Variants in DGKI observed in about 807,000 individuals in gnomAD.
DGKI encodes the protein diacylglycerol kinase iota.
A neutral mutation model predicts 147.5 loss-of-function variants in DGKI; 55 were observed. The ratio of observed to expected loss-of-function variants is 0.37; its 90% CI spans 0.30 to 0.47. The LOEUF (loss-of-function observed/expected upper bound fraction) is 0.47. Among genes scored for constraint, DGKI ranks in the 20% least tolerant of loss-of-function variants. DGKI has a pLI of 1.00. For missense variants in DGKI, 1,007 were observed against 1,323.8 expected, an observed-to-expected ratio of 0.76 and a Z score of 3.71; for synonymous variants, 469 against 477.1, an observed-to-expected ratio of 0.98 and a Z score of 0.22.
In DGKI at chr7:137,445,422, C is replaced by T. The variant is rs909834818; in HGVS notation, c.2736-1320G>A. Among the ~76,000 whole-genome samples, 8 of 152,172 alleles carry T rather than the reference C, an allele frequency of 5.3e-5. No individual in the cohort carries two copies. In the South Asian group the frequency reaches 6.2e-4, roughly 12 times the overall value. On this transcript the variant is annotated intron_variant, in intron 27 of 32. Transcript: ENST00000614521. ...GGGAGATGGACATGGGGGTGGTGAG[C>T]GGAAACCTGCCACAATCCCTAGTCA...
At position 137,463,683 on chromosome 7, in the gene DGKI, A is replaced by C. The variant is rs555356611; in HGVS notation, c.2613-72T>G. 1.1e-5 allele frequency: 18 copies of C among 1,568,220 alleles called. No homozygotes were observed. The African/African-American group carries it at 2.2e-4, about 19-fold the overall frequency. ...ACGTGACTTCGTTTCCACTTTCTGA[A>C]GATGAATCTTGCCAGTAAATGTGAG... On this transcript the variant is annotated intron_variant, in intron 26 of 32. Coordinates refer to ENST00000614521, the MANE Select transcript of DGKI (RefSeq NM_001321708.2).
chr7:137,620,054 C>CACAT (rs1820691302), intron 7 of DGKI, 114 bp from the exon 8 acceptor site: 1 of 733,900 alleles, frequency 1.4e-6, no homozygotes, highest in Admixed American at 2.0e-5. Context: ...CACACACACA[C>CACAT]TCATTACATG....
Position 137,587,089 on chromosome 7 carries a change from G to C in DGKI, c.1425+8C>G, listed in dbSNP as rs764435511. 6.3e-7 allele frequency: 1 copy of C among 1,587,278 alleles called. No homozygotes were observed. The highest frequency in any genetic ancestry group is 1.9e-5 in the Admixed American group (1 of 53,470). ...ATGATATGGGCAGTCCCCGAGAGCA[G>C]TTCTTACCCCTCCCCAGTTGAGAGT... is the stretch of plus-strand genomic sequence containing the variant. On this transcript the variant is annotated splice_region_variant and intron_variant, in intron 13 of 32. Coordinates refer to ENST00000614521, the MANE Select transcript of DGKI (RefSeq NM_001321708.2).
At chr7:137,449,209 G>A (rs1813850043) in intron 27 of DGKI, among the ~76,000 whole-genome samples, 1 of 152,084 alleles carries the variant, frequency 6.6e-6, no homozygotes, top group South Asian at 2.1e-4. Flanking sequence ...AACAAAGCTG[G>A]AGCCATCACA....
chr7:137,653,610 T>C (rs1822114541), intron 5 of DGKI, among the ~76,000 whole-genome samples: 1 of 152,192 alleles, frequency 6.6e-6, no homozygotes, highest in Non-Finnish European at 1.5e-5. Flanking sequence ...TTAACTTAGT[T>C]AGCTCCTTAA....
chr7:137,544,771 A>G (rs548382380), intron 20 of DGKI, among the ~76,000 whole-genome samples: 49 of 152,150 alleles, frequency 3.2e-4, no homozygotes, highest in Admixed American at 7.9e-4. Flanking sequence ...GGAACACAAG[A>G]TTCATATTAA....
chr7:137,565,118 A>G (rs1412708477), intron 19 of DGKI, among the ~76,000 whole-genome samples: 1 of 152,246 alleles, frequency 6.6e-6, no homozygotes, highest in Non-Finnish European at 1.5e-5. Flanking sequence ...AGAGAGGTTT[A>G]CAAACAATTA....
At chr7:137,660,620 A>G (rs1393372913) in intron 3 of DGKI, among the ~76,000 whole-genome samples, 2 of 152,140 alleles carry the variant, frequency 1.3e-5, no homozygotes, top group African/African-American at 4.8e-5. Flanking sequence ...TAATAAAGAG[A>G]TTAATATTGA....
chr7:137,700,870 C>T (rs1823954612), intron 1 of DGKI, among the ~76,000 whole-genome samples: 1 of 150,790 alleles, frequency 6.6e-6, no homozygotes, highest in Non-Finnish European at 1.5e-5. Flanking sequence ...AAGAGCGAAG[C>T]TCCGTCTCAA....
intron 27 of DGKI, among the ~76,000 whole-genome samples, chr7:137,461,101 A>G (rs1057341392): frequency 3.9e-5 from 6 of 152,208 alleles, no homozygotes; most frequent in African/African-American, 1.4e-4. Context: ...TTTTCACTGT[A>G]CAAATGTAAA....
intron 28 of DGKI, among the ~76,000 whole-genome samples, chr7:137,413,139 C>T (rs1299441758): frequency 6.6e-6 from 1 of 151,924 alleles, no homozygotes; most frequent in African/African-American, 2.4e-5. Context: ...AGTGGTGGCA[C>T]ACCTGTAATC....
chr7:137,486,068 G>T (rs1484772327), intron 22 of DGKI, among the ~76,000 whole-genome samples: 1 of 152,110 alleles, frequency 6.6e-6, no homozygotes, highest in Non-Finnish European at 1.5e-5. Flanking sequence ...CCTTGCTAAT[G>T]AGTGTAGTGA....
At chr7:137,666,954 T>C (rs1436739877) in intron 3 of DGKI, among the ~76,000 whole-genome samples, 1 of 152,200 alleles carries the variant, frequency 6.6e-6, no homozygotes, top group Non-Finnish European at 1.5e-5. Flanking sequence ...CCTGCTTCTC[T>C]TTTCTCTTAT....
At chr7:137,420,018 T>C (rs1442037121) in intron 28 of DGKI, among the ~76,000 whole-genome samples, 1 of 152,270 alleles carries the variant, frequency 6.6e-6, no homozygotes, top group Non-Finnish European at 1.5e-5. Flanking sequence ...GTCTTTGTTA[T>C]ACCTGGCAGC....
rs529095690 is a variant in DGKI at position 137,585,414 on chromosome 7, G to A, written c.1426-68C>T. The A allele has an allele frequency of 1.5e-4, 234 of 1,541,662 alleles. 1 individual carries two copies. The African/African-American group carries it at 2.7e-3, about 18-fold the overall frequency. On this transcript the variant is annotated intron_variant, in intron 13 of 32. Coordinates refer to ENST00000614521, the MANE Select transcript of DGKI (RefSeq NM_001321708.2). ...AACAGTGAAGCCAATGCTATTTTAC[G>A]CAAGGAAGAGCCAAGCCGTTATATT... is the stretch of plus-strand genomic sequence containing the variant.
At chr7:137,571,985 G>A (rs944005141) in intron 18 of DGKI, among the ~76,000 whole-genome samples, 1 of 152,136 alleles carries the variant, frequency 6.6e-6, no homozygotes, top group Non-Finnish European at 1.5e-5. Context: ...AATATTTCTG[G>A]AATAAAATTG....
intron 19 of DGKI, among the ~76,000 whole-genome samples, chr7:137,557,740 G>A (rs1484727261): frequency 6.6e-6 from 1 of 152,088 alleles, no homozygotes; most frequent in Non-Finnish European, 1.5e-5. Context: ...CTCCAACTCA[G>A]ACAGGCAGCC....
chr7:137,811,375 C>CTT (rs1315964308), intron 1 of DGKI, among the ~76,000 whole-genome samples: 2 of 102,258 alleles, frequency 2.0e-5, no homozygotes, highest in African/African-American at 7.1e-5. Flanking sequence ...CTCTCTCTCT[C>CTT]TCTCTCTCTC....
At position 137,846,161 on chromosome 7, in the gene DGKI, T is replaced by TCTCTCACACACA. The variant is rs781580130; in HGVS notation, c.401+300_401+301insTGTGTGTGAGAG. The stretch of plus-strand genomic sequence containing the variant: ...CTCTCTCTCTCTCTCTCTCTCTCTC[T>TCTCTCACACACA]CACACACACACACACACACACACAC... On this transcript the variant is annotated intron_variant, in intron 1 of 32. Coordinates refer to ENST00000614521, the MANE Select transcript of DGKI (RefSeq NM_001321708.2). This position sits in a 1 kb window ranked among gnomAD's most constrained non-coding sequence, Gnocchi z 4.0. 2.5e-4 allele frequency among the ~76,000 whole-genome samples: 27 copies of TCTCTCACACACA among 108,220 alleles called. No homozygotes were observed. The highest frequency in any genetic ancestry group is 2.0e-3 in the South Asian group (6 of 3,064). 71.0% of individuals were successfully genotyped at this position (108,220 alleles called of 152,430 possible). A position where few individuals can be genotyped will look rare whatever the true frequency, so the allele number is the denominator to read the frequency against.
Sources: gnomAD v4.1 joint callset for allele counts (sites outside exome capture counted in the v4.1 genomes callset) on GRCh38, gnomAD v4.1.1 for gene constraint, Gnocchi (gnomAD v3.1) non-coding constraint, MANE v1.5 for transcripts, NCBI Gene and HGNC (gene_info 2026-07-23, HGNC 2026-07-21) for gene names.